DCUN1D3: variants seen among roughly 807,000 people sequenced by gnomAD.
DCUN1D3 encodes defective in cullin neddylation 1 domain containing 3.
DCUN1D3 carries 6 observed loss-of-function variants against 24.8 expected under a neutral mutation model. That is an observed-to-expected ratio of 0.24 (90% CI 0.13 to 0.48). The LOEUF (loss-of-function observed/expected upper bound fraction) is 0.48, where lower values mean the gene tolerates loss of function less well. Among genes scored for constraint, DCUN1D3 ranks in the 20% least tolerant of loss-of-function variants. DCUN1D3 has a pLI of 0.99. For synonymous variants in DCUN1D3, 120 were observed against 144.9 expected, an observed-to-expected ratio of 0.83 and a Z score of 1.24; for missense variants, 258 against 379.4, an observed-to-expected ratio of 0.68 and a Z score of 2.66.
At chr16:20,861,419 C>T (rs528790805) in intron 2 of DCUN1D3, among the ~76,000 whole-genome samples, 92 of 149,650 alleles carry the variant, frequency 6.1e-4, no homozygotes, top group Admixed American at 1.5e-3. Flanking sequence ...GAGGCACTTA[C>T]CATATTGGTA....
At chr16:20,891,517 G>C (rs952679380) in intron 1 of DCUN1D3, among the ~76,000 whole-genome samples, 2 of 152,146 alleles carry the variant, frequency 1.3e-5, no homozygotes, top group African/African-American at 4.8e-5. Flanking sequence ...GATGGAGGCC[G>C]GGGGAATTGG....
chr16:20,857,345 A>G lies in DCUN1D3; in HGVS notation c.*2541T>C, dbSNP rs148823808. 1.3e-5 allele frequency: 2 copies of G among 152,250 alleles called. No individual in the cohort carries two copies. Among genetic ancestry groups the G allele is most frequent in the Non-Finnish European group, 2.9e-5 (2 of 68,044 alleles). 9.4% of individuals were successfully genotyped at this position (152,250 alleles called of 1,614,324 possible). On this transcript the variant is annotated 3_prime_UTR_variant, in exon 3 of 3. Transcript: ENST00000324344. ...GGGGGATGAGGAGGCTAAATAGTTA[A>G]TTTAAAAAACAACAAAATACATCCA...
intron 1 of DCUN1D3, among the ~76,000 whole-genome samples, chr16:20,867,487 C>T (rs116915596): frequency 7.2e-4 from 110 of 152,340 alleles, no homozygotes; most frequent in Non-Finnish European, 1.4e-3. Flanking sequence ...TGTCCACCAG[C>T]ACAGTTAAAA....
intron 1 of DCUN1D3, among the ~76,000 whole-genome samples, chr16:20,873,508 G>A (rs2152517187): frequency 6.6e-6 from 1 of 152,346 alleles, no homozygotes; most frequent in East Asian, 1.9e-4. Flanking sequence ...TGGATTTAGT[G>A]TGAAGACTAA....
chr16:20,882,995 C>T (rs932433113), intron 1 of DCUN1D3, among the ~76,000 whole-genome samples: 1 of 102,858 alleles, frequency 9.7e-6, no homozygotes, highest in Non-Finnish European at 2.0e-5. Context: ...ATCCCTTATC[C>T]CAAATGCTTG....
intron 1 of DCUN1D3, among the ~76,000 whole-genome samples, chr16:20,894,316 T>A (rs1309310242): frequency 1.3e-5 from 2 of 151,980 alleles, no homozygotes; most frequent in Admixed American, 1.3e-4. Flanking sequence ...AAGGGGCAGG[T>A]TTTTTCAACA....
intron 1 of DCUN1D3, among the ~76,000 whole-genome samples, chr16:20,889,383 A>G (rs929684427): frequency 1.4e-5 from 2 of 146,394 alleles, no homozygotes; most frequent in African/African-American, 5.0e-5. Context: ...CAGAGTGAAG[A>G]AAAAAAAAAA....
At chr16:20,884,893 CAACAG>C in intron 1 of DCUN1D3, among the ~76,000 whole-genome samples, 1 of 151,420 alleles carries the variant, frequency 6.6e-6, no homozygotes, top group East Asian at 1.9e-4. Context: ...TCAGCCTGGG[CAACAG>C]AGTAAGACCC....
chr16:20,867,511 A>C (rs2081768416), intron 1 of DCUN1D3, among the ~76,000 whole-genome samples: 1 of 152,226 alleles, frequency 6.6e-6, no homozygotes, highest in South Asian at 2.1e-4. Flanking sequence ...CCAGCTCTGA[A>C]AAGGACGCCC....
intron 1 of DCUN1D3, among the ~76,000 whole-genome samples, chr16:20,863,383 T>G (rs2081743592): frequency 6.6e-6 from 1 of 152,166 alleles, no homozygotes; most frequent in Admixed American, 6.5e-5. Flanking sequence ...AAGTCCACAA[T>G]AAATGTGATT....
chr16:20,859,935 C>T lies in DCUN1D3; in HGVS notation c.866G>A (p.Gly289Asp), dbSNP rs2152515757. 1 of 1,614,132 alleles carries T rather than the reference C, an allele frequency of 6.2e-7. No individual in the cohort carries two copies. Among genetic ancestry groups the T allele is most frequent in the Non-Finnish European group, 8.5e-7 (1 of 1,180,000 alleles). ...GCCCTCAGGCCCTGAGCTGAGTGCACCTCTCCCTTCCCCTTCTCTTTTCCT... is the reference window on the plus strand; with the variant it reads ...GCCCTCAGGCCCTGAGCTGAGTGCATCTCTCCCTTCCCCTTCTCTTTTCCT... ...ERRKREGEGR[G>D]ALSSGPEGLC... The change falls in exon 3 of 3, where the codon GGT becomes GAT. Residue 289 changes from glycine (G) to aspartate (D), a missense_variant. Transcript: ENST00000324344.
At chr16:20,881,262 G>A (rs1284433954) in intron 1 of DCUN1D3, among the ~76,000 whole-genome samples, 1 of 152,096 alleles carries the variant, frequency 6.6e-6, no homozygotes, top group Non-Finnish European at 1.5e-5. Context: ...AAACAATTAA[G>A]TGGGTGTGAT....
intron 1 of DCUN1D3, among the ~76,000 whole-genome samples, chr16:20,877,507 C>T (rs1567426385): frequency 6.6e-6 from 1 of 152,158 alleles, no homozygotes; most frequent in Non-Finnish European, 1.5e-5. Context: ...CCCTGTGCAC[C>T]TAGGCTATGT....
intron 1 of DCUN1D3, among the ~76,000 whole-genome samples, chr16:20,879,793 C>G (rs1388285695): frequency 6.6e-6 from 1 of 152,214 alleles, no homozygotes; most frequent in Non-Finnish European, 1.5e-5. Flanking sequence ...TGCCAGGCAG[C>G]CAAGATTAAC....
intron 1 of DCUN1D3, among the ~76,000 whole-genome samples, chr16:20,880,084 T>A (rs1399084107): frequency 6.6e-6 from 1 of 152,230 alleles, no homozygotes; most frequent in Non-Finnish European, 1.5e-5. Context: ...TTTAAGTGCC[T>A]AAGATGACAT....
intron 1 of DCUN1D3, among the ~76,000 whole-genome samples, chr16:20,881,917 C>G (rs1250750646): frequency 6.6e-6 from 1 of 152,156 alleles, no homozygotes; most frequent in Non-Finnish European, 1.5e-5. Flanking sequence ...ATTCTCCTAC[C>G]TCAGCCTCCC....
intron 1 of DCUN1D3, among the ~76,000 whole-genome samples, chr16:20,886,842 A>G (rs539605552): frequency 1.7e-4 from 26 of 152,310 alleles, no homozygotes; most frequent in African/African-American, 6.0e-4. Flanking sequence ...CACTTATTCT[A>G]TATTATGGAA....
In DCUN1D3 at chr16:20,862,252, C is replaced by A. The variant is rs145000131; in HGVS notation, c.287G>T (p.Arg96Met). The part of the protein sequence containing the change: ...SSLQRLEELF[R>M]RYKDEREDAI... Reference sequence around the variant, plus strand: ...ATCTTCCCGCTCATCCTTGTAGCGCCTGAACAGTTCTTCCAATCTTTGCAA... The same window carrying A: ...ATCTTCCCGCTCATCCTTGTAGCGCATGAACAGTTCTTCCAATCTTTGCAA... The change falls in exon 2 of 3, where the codon AGG becomes ATG. Residue 96 changes from arginine (R) to methionine (M), a missense_variant. By Grantham distance (91) the Arg-to-Met change is moderately conservative. Transcript: ENST00000324344. 15 of 1,614,140 alleles carry A rather than the reference C, an allele frequency of 9.3e-6. No individual in the cohort carries two copies. The African/African-American group carries it at 1.9e-4, about 20-fold the overall frequency.
At position 20,859,842 on chromosome 16, in the gene DCUN1D3, A is replaced by AG; in HGVS notation, c.*43dup. Reference sequence around the variant, plus strand: ...ATGGTCCAATTCCTCAGTTGGCTGCAGGGCAGCTGGCAGATCCTTGCTGCT... The same window carrying AG: ...ATGGTCCAATTCCTCAGTTGGCTGCAGGGGCAGCTGGCAGATCCTTGCTGCT... On this transcript the variant is annotated 3_prime_UTR_variant, in exon 3 of 3. Transcript: ENST00000324344. 6.5e-7 allele frequency: 1 copy of AG among 1,539,038 alleles called. No homozygotes were observed.
Sources: gnomAD v4.1 joint callset for allele counts (sites outside exome capture counted in the v4.1 genomes callset) on GRCh38, gnomAD v4.1.1 for gene constraint, MANE v1.5 for transcripts, NCBI Gene and HGNC (gene_info 2026-07-23, HGNC 2026-07-21) for gene names.